LRMDA: variants seen among roughly 807,000 people sequenced by gnomAD.
LRMDA encodes the protein leucine-rich melanocyte differentiation-associated protein.
In LRMDA, 18 loss-of-function variants were observed where a neutral mutation model predicts 29.8. The observed-to-expected ratio is 0.60, with a 90% CI of 0.42 to 0.90. The LOEUF (loss-of-function observed/expected upper bound fraction) is 0.90, where lower values mean the gene tolerates loss of function less well. Ranked by LOEUF, LRMDA falls within the 40% of genes least tolerant of loss-of-function variation. The probability of loss-of-function intolerance (pLI) is 0.00; values close to 1 mark genes in which losing one functional copy is unlikely to be tolerated. For synonymous variants in LRMDA, 125 were observed against 109.4 expected, an observed-to-expected ratio of 1.14 and a Z score of -0.89; for missense variants, 273 against 273.9, an observed-to-expected ratio of 1.00 and a Z score of 0.02.
chr10:76,363,276 A>AAGGAAGGAAGG lies in LRMDA; in HGVS notation c.601+38792_601+38793insGGAAGGAAGGA, dbSNP rs1218743181. On this transcript the variant is annotated intron_variant, in intron 6 of 6. Coordinates refer to ENST00000611255, the MANE Select transcript of LRMDA (RefSeq NM_001305581.2). Reference sequence around the variant, plus strand: ...GAAAGAAGGAAGGAAGGAAGGAAGGAAAGGAAGGAAGGAAGGAAGGAAGGG... The same window carrying AAGGAAGGAAGG: ...GAAAGAAGGAAGGAAGGAAGGAAGGAAGGAAGGAAGGAAGGAAGGAAGGAAGGAAGGAAGGG... Among the ~76,000 whole-genome samples the AAGGAAGGAAGG allele has an allele frequency of 8.5e-4, 50 of 58,862 alleles. 2 individuals are homozygous for AAGGAAGGAAGG. Among genetic ancestry groups the AAGGAAGGAAGG allele is most frequent in the Admixed American group, 1.4e-3 (8 of 5,862 alleles). The allele number at this position is 58,862 out of a possible 152,430, so 38.6% of individuals were successfully genotyped here.
chr10:76,147,083 G>C (rs1370244293), intron 5 of LRMDA, among the ~76,000 whole-genome samples: 2 of 152,138 alleles, frequency 1.3e-5, no homozygotes, highest in Admixed American at 1.3e-4. Context: ...TCCCTTTGTG[G>C]GTAACCCGAC....
chr10:75,808,101 C>T (rs763071357), intron 2 of LRMDA, among the ~76,000 whole-genome samples: 5 of 152,142 alleles, frequency 3.3e-5, no homozygotes, highest in African/African-American at 9.7e-5. Context: ...ACTGCAATCC[C>T]GAATAGAATG....
chr10:76,466,791 C>CAAAGA (rs1014866777), intron 6 of LRMDA, among the ~76,000 whole-genome samples: 3 of 151,756 alleles, frequency 2.0e-5, no homozygotes, highest in African/African-American at 7.3e-5. Context: ...AACCCTGTCT[C>CAAAGA]AAAGAAAAGA....
chr10:76,529,771 T>C (rs1197075554), intron 6 of LRMDA, among the ~76,000 whole-genome samples: 1 of 152,116 alleles, frequency 6.6e-6, no homozygotes, highest in Non-Finnish European at 1.5e-5. Flanking sequence ...GGGTAGAAAA[T>C]GCCCTTTTGG....
intron 2 of LRMDA, among the ~76,000 whole-genome samples, chr10:75,821,519 C>T (rs946457923): frequency 4.6e-5 from 7 of 152,206 alleles, no homozygotes; most frequent in Non-Finnish European, 1.0e-4. Context: ...CCTGTAATCC[C>T]AGCACTTTGG....
intron 6 of LRMDA, among the ~76,000 whole-genome samples, chr10:76,524,371 TG>T (rs1843152939): frequency 6.6e-6 from 1 of 152,208 alleles, no homozygotes; most frequent in Non-Finnish European, 1.5e-5. Context: ...GCTTACATTC[TG>T]CAGCAATTCA....
chr10:76,018,784 T>A (rs904850407), intron 2 of LRMDA, among the ~76,000 whole-genome samples: 2 of 152,120 alleles, frequency 1.3e-5, no homozygotes, highest in African/African-American at 4.8e-5. Context: ...GCCAGGATGG[T>A]CTTGATCTCT....
chr10:75,958,604 T>G (rs1846706283), intron 2 of LRMDA, among the ~76,000 whole-genome samples: 1 of 152,108 alleles, frequency 6.6e-6, no homozygotes, highest in Non-Finnish European at 1.5e-5. Context: ...AGTGTAGAGT[T>G]TTGATTTTTA....
At chr10:75,553,106 T>C (rs1840172467) in intron 2 of LRMDA, among the ~76,000 whole-genome samples, 1 of 152,208 alleles carries the variant, frequency 6.6e-6, no homozygotes, top group Non-Finnish European at 1.5e-5. Flanking sequence ...TCTTGCTTTT[T>C]GTCTGATAAT....
At chr10:76,487,161 A>G (rs1842790607) in intron 6 of LRMDA, among the ~76,000 whole-genome samples, 1 of 151,868 alleles carries the variant, frequency 6.6e-6, no homozygotes, top group Non-Finnish European at 1.5e-5. Context: ...GAATGTGCAT[A>G]TTTCTAGGCC....
rs1056311099 is a variant in LRMDA at position 76,070,923 on chromosome 10, G to A, written c.516+12140G>A. 4.6e-5 allele frequency among the ~76,000 whole-genome samples: 7 copies of A among 152,164 alleles called. 1 individual carries two copies. Among genetic ancestry groups the A allele is most frequent in the South Asian group, 2.1e-4 (1 of 4,824 alleles). ...AAGGCATGGGAGGAGTAAGCATGGCGTGGGGGACGGGAGGCTCCTTGCCAC... is the reference window on the plus strand; with the variant it reads ...AAGGCATGGGAGGAGTAAGCATGGCATGGGGGACGGGAGGCTCCTTGCCAC... On this transcript the variant is annotated intron_variant, in intron 5 of 6. Transcript: ENST00000611255.
At chr10:75,801,571 C>T (rs1231120807) in intron 2 of LRMDA, among the ~76,000 whole-genome samples, 2 of 152,128 alleles carry the variant, frequency 1.3e-5, no homozygotes, top group African/African-American at 2.4e-5. Context: ...ATGCATCTGC[C>T]TCCTACATGA....
At chr10:75,447,391 TG>T (rs914263313) in intron 2 of LRMDA, among the ~76,000 whole-genome samples, 7 of 151,898 alleles carry the variant, frequency 4.6e-5, no homozygotes, top group Admixed American at 2.0e-4. Flanking sequence ...CAGGGCGTGG[TG>T]GTGGGTGCTT....
chr10:76,357,877 G>A (rs11001747), intron 6 of LRMDA, among the ~76,000 whole-genome samples: 42,104 of 152,098 alleles, frequency 0.28, 7,467 homozygotes, highest in Non-Finnish European at 0.4. Flanking sequence ...AGTTCCTTAT[G>A]CTAGGTACCA....
intron 5 of LRMDA, among the ~76,000 whole-genome samples, chr10:76,110,378 C>T (rs1010403631): frequency 4.6e-5 from 7 of 152,240 alleles, no homozygotes; most frequent in African/African-American, 1.7e-4. Context: ...ACTAGTCTTA[C>T]TTCCATCAGC....
At chr10:76,082,624 T>C (rs1849066166) in intron 5 of LRMDA, among the ~76,000 whole-genome samples, 1 of 151,954 alleles carries the variant, frequency 6.6e-6, no homozygotes, top group South Asian at 2.1e-4. Flanking sequence ...CAGAGAAATG[T>C]AAATTAATAT....
chr10:76,447,745 C>T (rs772255835), intron 6 of LRMDA, among the ~76,000 whole-genome samples: 19 of 152,254 alleles, frequency 1.2e-4, no homozygotes, highest in South Asian at 8.3e-4. Context: ...GGAGACCCTA[C>T]GAGTTTTATG....
chr10:75,701,767 G>A (rs989707232), intron 2 of LRMDA, among the ~76,000 whole-genome samples: 2 of 152,142 alleles, frequency 1.3e-5, no homozygotes, highest in Non-Finnish European at 2.9e-5. Context: ...TAATGATGGA[G>A]TAGTGGGTTC....
At chr10:75,959,537 A>T (rs1198820476) in intron 2 of LRMDA, among the ~76,000 whole-genome samples, 1 of 151,172 alleles carries the variant, frequency 6.6e-6, no homozygotes, top group Non-Finnish European at 1.5e-5. Context: ...ACACACACAC[A>T]TACTTCTGTA....
Sources: allele counts gnomAD v4.1 joint callset (sites outside exome capture counted in the v4.1 genomes callset), GRCh38; gene constraint gnomAD v4.1.1; transcripts MANE v1.5; gene names NCBI Gene and HGNC (gene_info 2026-07-23, HGNC 2026-07-21).